The following TXN2 variants were observed in gnomAD, a reference collection of about 807,000 sequenced individuals.
TXN2 encodes thioredoxin, mitochondrial.
In TXN2, 12 loss-of-function variants were observed where a neutral mutation model predicts 14.6. The observed-to-expected ratio is 0.82, with a 90% confidence interval of 0.53 to 1.33. TXN2 has a LOEUF of 1.33. Among genes scored for constraint, TXN2 ranks in the 40% most tolerant of loss-of-function variants. The pLI is 0.00. For missense variants in TXN2, 173 were observed against 207.7 expected (o/e 0.83, Z 1.03); for synonymous variants, 89 against 81.0 (o/e 1.10, Z -0.53).
chr22:36,476,696 A>G (rs1216376006), intron 3 of TXN2, 37 bp downstream of exon 3: 3 of 1,613,320 alleles, frequency 1.9e-6, no homozygotes, highest in Non-Finnish European at 2.5e-6. Context: ...CACCTCCTAT[A>G]CTGGCTTCCC....
intron 3 of TXN2, among the ~76,000 whole-genome samples, chr22:36,476,101 C>A (rs1406310045): frequency 6.6e-6 from 1 of 152,170 alleles, no homozygotes; most frequent in Non-Finnish European, 1.5e-5. Context: ...ATCACAAATG[C>A]TTGGCACATC....
chr22:36,477,739 G>A (rs1933415057), intron 2 of TXN2, among the ~76,000 whole-genome samples: 1 of 152,194 alleles, frequency 6.6e-6, no homozygotes, highest in African/African-American at 2.4e-5. Context: ...ACTCTGCAAA[G>A]AGAACACACC....
intron 3 of TXN2, among the ~76,000 whole-genome samples, chr22:36,469,013 G>A (rs866384048): frequency 2.2e-4 from 34 of 152,042 alleles, no homozygotes; most frequent in Admixed American, 1.3e-4. Flanking sequence ...CTGCACTCCA[G>A]CCTGGGTGAC....
Position 36,469,627 on chromosome 22 carries a change from C to G in TXN2, c.388-1710G>C, listed in dbSNP as rs138364964. 1.4e-4 allele frequency among the ~76,000 whole-genome samples: 21 copies of G among 152,302 alleles called. No homozygotes were observed. In the East Asian group the frequency reaches 3.9e-3, roughly 28 times the overall value. On this transcript the variant is annotated intron_variant, in intron 3 of 3. Transcript: ENST00000216185. ...GGTCTCTGCTGCCTGGGATCCCTGCCTGGCATTCGTGGGCATTTGAGAAAA... is the reference window on the plus strand; with the variant it reads ...GGTCTCTGCTGCCTGGGATCCCTGCGTGGCATTCGTGGGCATTTGAGAAAA...
At chr22:36,481,067 A>C in intron 1 of TXN2, 4 of 452,292 alleles carry the variant, frequency 8.8e-6, no homozygotes, top group Admixed American at 3.9e-5. Context: ...CCAAAAAGAA[A>C]TCGGGATTTA....
intron 3 of TXN2, among the ~76,000 whole-genome samples, chr22:36,468,227 TGCA>T: frequency 6.6e-6 from 1 of 152,232 alleles, no homozygotes; most frequent in East Asian, 1.9e-4. Context: ...CCCTTGCAGC[TGCA>T]GGCCAGGGCT....
rs1933505036 is a variant in TXN2, at chr22:36,481,590, CACA to C, written c.-30_-28del. 1.0e-6 allele frequency: 1 copy of C among 1,000,246 alleles called. No homozygotes were observed. Among genetic ancestry groups the C allele is most frequent in the African/African-American group, 1.7e-5 (1 of 57,318 alleles). The allele number at this position is 1,000,246 out of a possible 1,614,324, so 62.0% of individuals were successfully genotyped here. On this transcript the variant is annotated 5_prime_UTR_variant, in exon 1 of 4. Coordinates refer to ENST00000216185, the MANE Select transcript of TXN2 (RefSeq NM_012473.4). ...TCCCTGCAATGCGAGCGGAGGGATG[CACA>C]GCCTAGCCCTCCCTGCCTGTCAAGG... is the stretch of plus-strand genomic sequence containing the variant.
At chr22:36,477,200 C>A (rs986212836) in intron 2 of TXN2, among the ~76,000 whole-genome samples, 3 of 152,032 alleles carry the variant, frequency 2.0e-5, no homozygotes, top group Non-Finnish European at 4.4e-5. Flanking sequence ...TATTCTGGGG[C>A]CCTAGTTTCC....
Position 36,480,695 on chromosome 22 carries a change from G to A in TXN2, c.143C>T (p.Pro48Leu), listed in dbSNP as rs1043255460. 3 of 1,614,040 alleles carry A rather than the reference G, an allele frequency of 1.9e-6. No individual in the cohort carries two copies. Among genetic ancestry groups the A allele is most frequent in the African/African-American group, 2.7e-5 (2 of 74,932 alleles). ...SPGGLTVTPNPARTIYTTRIS... is the reference protein window; with the variant it reads ...SPGGLTVTPNLARTIYTTRIS... The stretch of plus-strand genomic sequence containing the variant: ...CCTCGTGGTGTATATTGTCCGGGCT[G>A]GGTTGGGTGTTACAGTCAGGCCACC... The change falls in exon 2 of 4, where the codon CCA (proline) becomes CTA (leucine). Residue 48 changes from proline to leucine, a missense_variant. Coordinates refer to ENST00000216185, the MANE Select transcript of TXN2 (RefSeq NM_012473.4).
intron 2 of TXN2, among the ~76,000 whole-genome samples, chr22:36,477,065 C>T (rs966507089): frequency 1.3e-5 from 2 of 152,150 alleles, no homozygotes; most frequent in Non-Finnish European, 2.9e-5. Flanking sequence ...ACACAGGCCT[C>T]ATCAGAAGAC....
rs762570406 is a variant in TXN2 at position 36,480,819 on chromosome 22, G to T, written c.19C>A (p.Leu7Met). 45 of 1,583,728 alleles carry T rather than the reference G, an allele frequency of 2.8e-5. No homozygotes were observed. Among genetic ancestry groups the T allele is most frequent in the Middle Eastern group, 3.4e-4 (2 of 5,864 alleles). The part of the protein sequence containing the change: MAQRLL[L>M]RRFLASVISR... ...ATGACAGAGGCCAGGAACCTCCTCA[G>T]AAGAAGTCGCTGAGCCATCTGTGAG... Residue 7 changes from leucine (L) to methionine (M), a missense_variant, in exon 2 of 4, where the codon CTG becomes ATG. Coordinates refer to ENST00000216185, the MANE Select transcript of TXN2 (RefSeq NM_012473.4).
chr22:36,469,960 CT>C (rs1378560508), intron 3 of TXN2, among the ~76,000 whole-genome samples: 1 of 152,058 alleles, frequency 6.6e-6, no homozygotes, highest in Non-Finnish European at 1.5e-5. Context: ...TGTTCCCCCC[CT>C]CAAAATAAAT....
In TXN2 at chr22:36,472,628, GAAC is replaced by G. The variant is rs543735630; in HGVS notation, c.387+4102_387+4104del. Reference sequence around the variant, plus strand: ...CCTAAAAACATAAAATCCTCAAAAAGAACAACAACAAAAAATGAGATCAGTGAC... The same window carrying G: ...CCTAAAAACATAAAATCCTCAAAAAGAACAACAAAAAATGAGATCAGTGAC... On this transcript the variant is annotated intron_variant, in intron 3 of 3. Coordinates refer to ENST00000216185, the MANE Select transcript of TXN2 (RefSeq NM_012473.4). Among the ~76,000 whole-genome samples the G allele has an allele frequency of 1.4e-3, 215 of 152,012 alleles. 4 individuals are homozygous for G. The highest frequency in any genetic ancestry group is 4.9e-3 in the African/African-American group (203 of 41,448).
chr22:36,468,172 A>T (rs1603486998), intron 3 of TXN2, among the ~76,000 whole-genome samples: 1 of 152,082 alleles, frequency 6.6e-6, no homozygotes, highest in Non-Finnish European at 1.5e-5. Flanking sequence ...AGACTGACTC[A>T]CTGGCCCAGT....
intron 3 of TXN2, among the ~76,000 whole-genome samples, chr22:36,472,866 G>T (rs961389564): frequency 6.6e-6 from 1 of 152,046 alleles, no homozygotes; most frequent in Admixed American, 6.6e-5. Context: ...CCTCCCCACA[G>T]AAAGTCAGTC....
chr22:36,479,309 C>A (rs1933449656), intron 2 of TXN2, among the ~76,000 whole-genome samples: 1 of 151,804 alleles, frequency 6.6e-6, no homozygotes, highest in South Asian at 2.1e-4. Flanking sequence ...AGAGACCTGA[C>A]CAGAAGGCCC....
At chr22:36,481,486 C>T in intron 1 of TXN2, 78 bp downstream of exon 1, 1 of 802,394 alleles carries the variant, frequency 1.2e-6, no homozygotes, top group Non-Finnish European at 1.5e-6. Context: ...CCCGCCCGGC[C>T]GCCAGCCTGC....
chr22:36,480,955 A>G, intron 1 of TXN2, 118 bp from the exon 2 acceptor site: 1 of 1,125,592 alleles, frequency 8.9e-7, no homozygotes, highest in South Asian at 2.1e-5. Flanking sequence ...AAATGCAAGG[A>G]AATCATATGT....
intron 3 of TXN2, among the ~76,000 whole-genome samples, chr22:36,476,302 C>CG (rs1933384287): frequency 6.6e-6 from 1 of 151,970 alleles, no homozygotes; most frequent in African/African-American, 2.4e-5. Flanking sequence ...TAAAAGCTCT[C>CG]GAAAAACCGG....
Sources: allele counts gnomAD v4.1 joint callset (sites outside exome capture counted in the v4.1 genomes callset), GRCh38; gene constraint gnomAD v4.1.1; transcripts MANE v1.5; gene names NCBI Gene and HGNC (gene_info 2026-07-23, HGNC 2026-07-21).